The following GPR37L1 variants were observed in gnomAD, a reference collection of about 807,000 sequenced individuals.
GPR37L1 encodes G protein-coupled receptor 37-like 1.
GPR37L1 carries 18 observed loss-of-function variants against 18.0 expected under a neutral mutation model. The ratio of observed to expected loss-of-function variants is 1.00; its 90% CI spans 0.69 to 1.49. The LOEUF is 1.49. GPR37L1 is among the 40% of genes most tolerant of loss of function. GPR37L1 has a pLI of 0.00. For synonymous variants in GPR37L1, 256 were observed against 273.9 expected (o/e 0.93, Z 0.65); for missense variants, 558 against 615.1 (o/e 0.91, Z 0.98).
chr1:202,130,246 C>G lies in GPR37L1; in HGVS notation c.*1690C>G, dbSNP rs562216691. On this transcript the variant is annotated 3_prime_UTR_variant, in exon 2 of 2. Coordinates refer to ENST00000367282, the MANE Select transcript of GPR37L1 (RefSeq NM_004767.5). ...TCAGCTTTCCTCAGAACCACCCCCC[C>G]TGTCTGAAGCTCTGTCCTGGGTCCC... is the stretch of plus-strand genomic sequence containing the variant. 4 of 152,580 alleles carry G rather than the reference C, an allele frequency of 2.6e-5. No individual in the cohort carries two copies. Among genetic ancestry groups the G allele is most frequent in the East Asian group, 1.9e-4 (1 of 5,188 alleles). The allele number at this position is 152,580 out of a possible 1,614,324, so 9.5% of individuals were successfully genotyped here.
rs1028522598 is a variant in GPR37L1 at position 202,128,624 on chromosome 1, A to G, written c.*68A>G. On this transcript the variant is annotated 3_prime_UTR_variant, in exon 2 of 2. Transcript: ENST00000367282. ...CGCCGGTGTCTGCTGTTCTTTCCCC[A>G]TAGGTCTTGCTTTGTTGCCTGTCTT... is the stretch of plus-strand genomic sequence containing the variant. 7.3e-6 allele frequency: 7 copies of G among 954,362 alleles called. No individual in the cohort carries two copies. The highest frequency in any genetic ancestry group is 6.6e-5 in the African/African-American group (4 of 61,020). The allele number at this position is 954,362 out of a possible 1,614,324, so 59.1% of individuals were successfully genotyped here.
chr1:202,124,179 T>C (rs1047701304), intron 1 of GPR37L1, among the ~76,000 whole-genome samples: 13 of 152,136 alleles, frequency 8.5e-5, no homozygotes, highest in African/African-American at 3.1e-4. Flanking sequence ...GGGATTCTCA[T>C]TGTTATCGTT....
rs757602604 is a variant in GPR37L1 at position 202,128,608 on chromosome 1, C to T, written c.*52C>T. ...GAGAGGCCGCCACCCCCGCCGGTGT[C>T]TGCTGTTCTTTCCCCATAGGTCTTG... On this transcript the variant is annotated 3_prime_UTR_variant, in exon 2 of 2. Coordinates refer to ENST00000367282, the MANE Select transcript of GPR37L1 (RefSeq NM_004767.5). 27 of 1,094,424 alleles carry T rather than the reference C, an allele frequency of 2.5e-5. No individual in the cohort carries two copies. The highest frequency in any genetic ancestry group is 3.3e-5 in the Non-Finnish European group (25 of 760,218). 67.8% of individuals were successfully genotyped at this position (1,094,424 alleles called of 1,614,324 possible).
chr1:202,122,933 C>G lies in GPR37L1; in HGVS notation c.-31C>G, dbSNP rs949881828. 1.9e-6 allele frequency: 3 copies of G among 1,610,620 alleles called. No homozygotes were observed. The African/African-American group carries it at 4.0e-5, about 22-fold the overall frequency. ...GGGCCCCCTGCACTCACCTGCTCTT[C>G]CTGGGCTGGCTGTCTCCTGCTCATC... On this transcript the variant is annotated 5_prime_UTR_variant, in exon 1 of 2. Transcript: ENST00000367282.
rs16849702 is a variant in GPR37L1, at chr1:202,131,280, C to T, written c.*2724C>T. On this transcript the variant is annotated 3_prime_UTR_variant, in exon 2 of 2. Transcript: ENST00000367282. ...GGGTCTCCCTGCTCCACTTGGGAGT[C>T]ACCTTCTCATCACCTATCCTGGAAC... 11,007 of 152,282 alleles carry T rather than the reference C, an allele frequency of 0.072. 783 individuals carry two copies. Among genetic ancestry groups the T allele is most frequent in the African/African-American group, 0.18 (7,372 of 41,504 alleles). The allele number at this position is 152,282 out of a possible 1,614,324, so 9.4% of individuals were successfully genotyped here.
chr1:202,128,379 G>A lies in GPR37L1; in HGVS notation c.1269G>A (p.Leu423=), dbSNP rs1389333735. ...TGCTCCTTTGCATCTGCAGGCCGCT[G>A]GGCCAGGCCTTCCTGGACTGCTGCT... is the stretch of plus-strand genomic sequence containing the variant. ...PVLLLCICRP[L]GQAFLDCCCC... is the part of the protein sequence containing the mutation. The change falls in exon 2 of 2, where the codon CTG becomes CTA. Residue 423 remains leucine (L), a synonymous_variant. Coordinates refer to ENST00000367282, the MANE Select transcript of GPR37L1 (RefSeq NM_004767.5). 6.2e-7 allele frequency: 1 copy of A among 1,614,154 alleles called. No individual in the cohort carries two copies. The highest frequency in any genetic ancestry group is 1.1e-5 in the South Asian group (1 of 91,080).
chr1:202,124,505 G>A (rs937643061), intron 1 of GPR37L1, among the ~76,000 whole-genome samples: 1 of 152,226 alleles, frequency 6.6e-6, no homozygotes, highest in African/African-American at 2.4e-5. Flanking sequence ...GAAACATACT[G>A]ATGTGTGCAT....
intron 1 of GPR37L1, among the ~76,000 whole-genome samples, chr1:202,126,431 C>A (rs1348827165): frequency 6.6e-6 from 1 of 151,182 alleles, no homozygotes; most frequent in Non-Finnish European, 1.5e-5. Flanking sequence ...GAGAGAATGG[C>A]GTTTCTACCC....
In GPR37L1 at chr1:202,131,067, T is replaced by G. The variant is rs1462658135; in HGVS notation, c.*2511T>G. On this transcript the variant is annotated 3_prime_UTR_variant, in exon 2 of 2. Coordinates refer to ENST00000367282, the MANE Select transcript of GPR37L1 (RefSeq NM_004767.5). ...CACTGTCCTCGCAGCCTGGGCCAGC[T>G]GGGGGAACAATGTAGGGTTTGTTGC... The G allele has an allele frequency of 1.3e-5, 2 of 152,208 alleles. No homozygotes were observed. Among genetic ancestry groups the G allele is most frequent in the Admixed American group, 6.5e-5 (1 of 15,278 alleles). The allele number at this position is 152,208 out of a possible 1,614,324, so 9.4% of individuals were successfully genotyped here. A position where few individuals can be genotyped will look rare whatever the true frequency, so the allele number is the denominator to read the frequency against.
Position 202,123,852 on chromosome 1 carries a change from C to T in GPR37L1, c.630+259C>T, listed in dbSNP as rs374436211. Among the ~76,000 whole-genome samples, 205 of 152,280 alleles carry T rather than the reference C, an allele frequency of 1.3e-3. 1 individual carries two copies. The highest frequency in any genetic ancestry group is 4.6e-3 in the African/African-American group (192 of 41,552). On this transcript the variant is annotated intron_variant, in intron 1 of 1. Coordinates refer to ENST00000367282, the MANE Select transcript of GPR37L1 (RefSeq NM_004767.5). ...GTTCCAGCCCCAGCCTGATCTTCTG[C>T]TTCGGGAGCAACCTCAAGGCAGGCC...
Position 202,123,496 on chromosome 1 carries a change from TG to T in GPR37L1, c.535del (p.Val179SerfsTer61). The T allele has an allele frequency of 1.2e-6, 2 of 1,614,032 alleles. No individual in the cohort carries two copies. The highest frequency in any genetic ancestry group is 2.2e-5 in the South Asian group (2 of 91,074). ...GCCAGCCTGGCCCTCTGGGATTTTCTGGTCCTCTTTTTCTGCCTCCCTATTG... is the reference window on the plus strand; with the variant it reads ...GCCAGCCTGGCCCTCTGGGATTTTCTGTCCTCTTTTTCTGCCTCCCTATTG... ...ILASLALWDFLVLFFCLPIVI... is the reference protein window; with the variant it reads ...ILASLALWDFXVLFFCLPIVI... On this transcript the variant is annotated frameshift_variant, in exon 1 of 2. Coordinates refer to ENST00000367282, the MANE Select transcript of GPR37L1 (RefSeq NM_004767.5). LOFTEE classifies it high-confidence loss of function.
chr1:202,128,713 CA>C lies in GPR37L1; in HGVS notation c.*158del. 1.7e-6 allele frequency: 1 copy of C among 603,710 alleles called. No homozygotes were observed. Among genetic ancestry groups the C allele is most frequent in the East Asian group, 2.8e-5 (1 of 36,174 alleles). 37.4% of individuals were successfully genotyped at this position (603,710 alleles called of 1,614,324 possible). Reference sequence around the variant, plus strand: ...TGGGAATGTCAAAGCCCCCTCCCCACACAGGGCCTTTCCTGTCCCTTGTGGG... The same window carrying C: ...TGGGAATGTCAAAGCCCCCTCCCCACCAGGGCCTTTCCTGTCCCTTGTGGG... On this transcript the variant is annotated 3_prime_UTR_variant, in exon 2 of 2. Transcript: ENST00000367282.
rs1053611974 is a variant in GPR37L1, at chr1:202,132,193, G to A, written c.*3637G>A. ...GCACCTTGGCCTGGAAACAGCCCCA[G>A]ATGAGTGAGATTGCTGGTCCTCTCC... On this transcript the variant is annotated 3_prime_UTR_variant, in exon 2 of 2. Transcript: ENST00000367282. 6.6e-6 allele frequency: 1 copy of A among 152,286 alleles called. No homozygotes were observed. The highest frequency in any genetic ancestry group is 1.5e-5 in the Non-Finnish European group (1 of 68,072). The allele number at this position is 152,286 out of a possible 1,614,324, so 9.4% of individuals were successfully genotyped here. A position where few individuals can be genotyped will look rare whatever the true frequency, so the allele number is the denominator to read the frequency against.
At position 202,128,431 on chromosome 1, in the gene GPR37L1, G is replaced by C. The variant is rs61734417; in HGVS notation, c.1321G>C (p.Gly441Arg). ...CCCCCCEECG[G>R]ASEASAANGS... ...CTGCTGCTGCTGTGAGGAGTGCGGC[G>C]GGGCTTCGGAGGCCTCTGCTGCCAA... The change falls in exon 2 of 2, where the codon GGG becomes CGG. Residue 441 changes from glycine (G) to arginine (R), a missense_variant. Coordinates refer to ENST00000367282, the MANE Select transcript of GPR37L1 (RefSeq NM_004767.5). 2 of 1,611,734 alleles carry C rather than the reference G, an allele frequency of 1.2e-6. No homozygotes were observed. The highest frequency in any genetic ancestry group is 4.5e-5 in the East Asian group (2 of 44,798).
At chr1:202,123,989 C>T (rs886875173) in intron 1 of GPR37L1, among the ~76,000 whole-genome samples, 4 of 152,150 alleles carry the variant, frequency 2.6e-5, no homozygotes, top group African/African-American at 9.7e-5. Context: ...TTCCTCTGTA[C>T]CCCCTGCCGC....
rs1457468237 is a variant in GPR37L1, at chr1:202,123,164, C to T, written c.201C>T (p.Tyr67=). 2.5e-6 allele frequency: 4 copies of T among 1,613,140 alleles called. No individual in the cohort carries two copies. Among genetic ancestry groups the T allele is most frequent in the Admixed American group, 1.7e-5 (1 of 59,952 alleles). The change falls in exon 1 of 2, where the codon TAC becomes TAT. Residue 67 remains tyrosine (Y), a synonymous_variant. Transcript: ENST00000367282. ...QQYVPEEWAE[Y]PRPIHPAGLQ... is the part of the protein sequence containing the mutation. ...ATGTGCCTGAGGAGTGGGCGGAGTA[C>T]CCCCGGCCCATTCACCCTGCTGGCC...
At position 202,123,368 on chromosome 1, in the gene GPR37L1, T is replaced by C. The variant is rs1202903384; in HGVS notation, c.405T>C (p.Leu135=). The change falls in exon 1 of 2, where the codon CTT becomes CTC. Residue 135 remains leucine, a synonymous_variant. Transcript: ENST00000367282. ...ESSYSAYAIM[L]LALVVFAVGI... ...CCTACAGTGCCTATGCCATCATGCT[T>C]CTGGCGCTGGTGGTGTTTGCGGTGG... The C allele has an allele frequency of 5.0e-6, 8 of 1,614,038 alleles. No homozygotes were observed. The East Asian group carries it at 6.7e-5, about 13-fold the overall frequency.
chr1:202,128,987 G>T lies in GPR37L1; in HGVS notation c.*431G>T. 1 of 157,666 alleles carries T rather than the reference G, an allele frequency of 6.3e-6. No homozygotes were observed. The highest frequency in any genetic ancestry group is 1.4e-5 in the Non-Finnish European group (1 of 73,362). The allele number at this position is 157,666 out of a possible 1,614,324, so 9.8% of individuals were successfully genotyped here. A position where few individuals can be genotyped will look rare whatever the true frequency, so the allele number is the denominator to read the frequency against. On this transcript the variant is annotated 3_prime_UTR_variant, in exon 2 of 2. Transcript: ENST00000367282. ...GGGGGCTCCTTGGGGCCAGCCCAGT[G>T]TGGCTCACCACACTCTTCTTTTTTT... is the stretch of plus-strand genomic sequence containing the variant.
rs1454206091 is a variant in GPR37L1 at position 202,133,498 on chromosome 1, T to C, written c.*4942T>C. The C allele has an allele frequency of 6.6e-6, 1 of 152,054 alleles. No homozygotes were observed. Among genetic ancestry groups the C allele is most frequent in the Non-Finnish European group, 1.5e-5 (1 of 68,022 alleles). The allele number at this position is 152,054 out of a possible 1,614,324, so 9.4% of individuals were successfully genotyped here. A position where few individuals can be genotyped will look rare whatever the true frequency, so the allele number is the denominator to read the frequency against. On this transcript the variant is annotated 3_prime_UTR_variant, in exon 2 of 2. Coordinates refer to ENST00000367282, the MANE Select transcript of GPR37L1 (RefSeq NM_004767.5). ...ACAAGAATCATTTTCCAAACAGAGG[T>C]TAAATATGAGCTGAAAAGTGTAAAA...
Sources: gnomAD v4.1 joint callset for allele counts (sites outside exome capture counted in the v4.1 genomes callset) on GRCh38, gnomAD v4.1.1 for gene constraint, MANE v1.5 for transcripts, NCBI Gene and HGNC (gene_info 2026-07-23, HGNC 2026-07-21) for gene names.